The following GP2 variants were observed in gnomAD, a reference collection of about 807,000 sequenced individuals.
The protein encoded by GP2 is pancreatic secretory granule membrane major glycoprotein GP2.
GP2 carries 58 observed loss-of-function variants against 60.8 expected under a neutral mutation model. That is an observed-to-expected ratio of 0.95 (90% CI 0.77 to 1.19). The LOEUF is 1.19. GP2 is among the 50% of genes most tolerant of loss of function. The pLI, the probability that GP2 is intolerant of heterozygous loss-of-function variation, is 0.00. For synonymous variants in GP2, 280 were observed against 253.4 expected, an observed-to-expected ratio of 1.10 and a Z score of -1.00; for missense variants, 647 against 667.4, an observed-to-expected ratio of 0.97 and a Z score of 0.34.
At chr16:20,313,905 G>A (rs1425147043) in intron 10 of GP2, among the ~76,000 whole-genome samples, 1 of 152,194 alleles carries the variant, frequency 6.6e-6, no homozygotes, top group Non-Finnish European at 1.5e-5. Flanking sequence ...CAAAGATGGT[G>A]GAGGCATGAG....
chr16:20,324,010 T>G lies in GP2; in HGVS notation c.341A>C (p.Gln114Pro), dbSNP rs376984878. 18 of 1,614,012 alleles carry G rather than the reference T, an allele frequency of 1.1e-5. No individual in the cohort carries two copies. The highest frequency in any genetic ancestry group is 4.0e-5 in the African/African-American group (3 of 74,938). The change falls in exon 3 of 11, where the codon CAG becomes CCG. Residue 114 changes from glutamine (Q) to proline (P), a missense_variant. Transcript: ENST00000302555. ...SETCVQVHRC[Q>P]TDAPMWLNGT... ...ATTCAGCCACATGGGAGCGTCTGTC[T>G]GGCATCGGTGCACCTGGACACAGGT... is the stretch of plus-strand genomic sequence containing the variant.
At chr16:20,319,862 T>A in intron 5 of GP2, 94 bp from the exon 6 acceptor site, 1 of 1,010,180 alleles carries the variant, frequency 9.9e-7, no homozygotes, top group Non-Finnish European at 1.5e-6. Context: ...TCAATTTGCT[T>A]AACCATGCAG....
At chr16:20,323,466 T>G in intron 3 of GP2, 1 of 700,590 alleles carries the variant, frequency 1.4e-6, no homozygotes, top group Non-Finnish European at 2.7e-6. Flanking sequence ...CATTATGTAT[T>G]AGCTGTTATT....
At chr16:20,316,137 T>C in intron 8 of GP2, 97 bp from the exon 9 acceptor site, 1 of 754,466 alleles carries the variant, frequency 1.3e-6, no homozygotes, top group Non-Finnish European at 2.4e-6. Context: ...AAGAACTGTG[T>C]CCAGAACTGG....
At chr16:20,322,829 C>A (rs919879031) in intron 4 of GP2, 40 bp downstream of exon 4, 4 of 1,093,814 alleles carry the variant, frequency 3.7e-6, no homozygotes, top group Non-Finnish European at 5.6e-6. Flanking sequence ...CCTGCCCTGC[C>A]CCCTCAGGAT....
intron 2 of GP2, among the ~76,000 whole-genome samples, chr16:20,325,995 C>A (rs927409682): frequency 6.6e-6 from 1 of 152,160 alleles, no homozygotes; most frequent in Non-Finnish European, 1.5e-5. Context: ...TAATCTAGCC[C>A]TTTCAGGAAA....
At chr16:20,323,488 C>G (rs767786893) in intron 3 of GP2, 198 of 589,898 alleles carry the variant, frequency 3.4e-4, no homozygotes, top group Middle Eastern at 5.2e-4. Flanking sequence ...TTGCTGTACC[C>G]CCCCCCCCTT....
rs763613303 is a variant in GP2, at chr16:20,316,018, C to A, written c.1439G>T (p.Arg480Leu). 5 of 1,611,924 alleles carry A rather than the reference C, an allele frequency of 3.1e-6. No individual in the cohort carries two copies. The highest frequency in any genetic ancestry group is 1.3e-5 in the African/African-American group (1 of 74,972). Reference sequence around the variant, plus strand: ...TAGGTCGATGGCCGGTACTTCACTGCGGACTTGACTTCTTGAGCAAGACTG... The same window carrying A: ...TAGGTCGATGGCCGGTACTTCACTGAGGACTTGACTTCTTGAGCAAGACTG... ...CQPSCSRSQV[R>L]SEVPAIDLAR... The change falls in exon 9 of 11, where the codon CGC (arginine) becomes CTC (leucine). Residue 480 changes from arginine to leucine, a missense_variant. Arg to Leu is a moderately radical substitution (Grantham distance 102). Transcript: ENST00000302555.
At position 20,326,406 on chromosome 16, in the gene GP2, A is replaced by G. The variant is rs765129140; in HGVS notation, c.26T>C (p.Val9Ala). 61 of 1,613,108 alleles carry G rather than the reference A, an allele frequency of 3.8e-5. No individual in the cohort carries two copies. Among genetic ancestry groups the G allele is most frequent in the Non-Finnish European group, 5.2e-5 (61 of 1,179,042 alleles). ...GGCCAGCCACAGGAGGCCAGAGCCC[A>G]CCATCCTTTCCATAAGGTGAGGCAT... Reference protein sequence around the residue: MPHLMERMVGSGLLWLALV... With the variant: MPHLMERMAGSGLLWLALV... Residue 9 changes from valine to alanine, a missense_variant, in exon 2 of 11, where the codon GTG becomes GCG. Val to Ala is a moderately conservative substitution (Grantham distance 64). Coordinates refer to ENST00000302555, the MANE Select transcript of GP2 (RefSeq NM_001502.4).
At chr16:20,327,119 AT>A (rs1964556033) in intron 1 of GP2, among the ~76,000 whole-genome samples, 1 of 152,126 alleles carries the variant, frequency 6.6e-6, no homozygotes, top group South Asian at 2.1e-4. Flanking sequence ...GAAAATAGAG[AT>A]CGGTTTCGGG....
intron 4 of GP2, among the ~76,000 whole-genome samples, chr16:20,321,154 G>A (rs1419954108): frequency 6.6e-6 from 1 of 150,922 alleles, no homozygotes; most frequent in Admixed American, 6.6e-5. Flanking sequence ...GGATTCAAGT[G>A]ATTCTCCTGC....
chr16:20,320,065 G>T (rs12928456), intron 5 of GP2, among the ~76,000 whole-genome samples, 197 bp downstream of exon 5: 1 of 151,936 alleles, frequency 6.6e-6, no homozygotes, highest in Non-Finnish European at 1.5e-5. Flanking sequence ...TGAAATTATC[G>T]TAATTGTAGC....
chr16:20,320,945 T>A (rs1193697435), intron 4 of GP2, among the ~76,000 whole-genome samples: 2 of 152,136 alleles, frequency 1.3e-5, no homozygotes, highest in African/African-American at 4.8e-5. Flanking sequence ...AACAGTTGAA[T>A]AGGGGAGACA....
chr16:20,323,317 G>A (rs944906543), intron 3 of GP2: 1 of 715,060 alleles, frequency 1.4e-6, no homozygotes, highest in South Asian at 1.5e-5. Context: ...CTCCAGCTCT[G>A]TGATACTAGG....
intron 4 of GP2, 122 bp from the exon 5 acceptor site, chr16:20,320,595 G>T: frequency 1.4e-6 from 1 of 709,838 alleles, no homozygotes. Flanking sequence ...CTGGGATCCA[G>T]ATGGAATTCA....
intron 4 of GP2, among the ~76,000 whole-genome samples, chr16:20,321,051 CT>C (rs34930372): frequency 0.11 from 14,603 of 135,710 alleles, 1,433 homozygotes; most frequent in African/African-American, 0.26. Flanking sequence ...CTCTGTCTCT[CT>C]TTTTTTTTTT....
In GP2 at chr16:20,318,416, C is replaced by G. The variant is rs745346237; in HGVS notation, c.1022G>C (p.Ser341Thr). Residue 341 changes from serine to threonine, a missense_variant, in exon 7 of 11, where the codon AGT becomes ACT. Physicochemically the swap from Ser to Thr is moderately conservative, Grantham distance 58 (BLOSUM62 1). Coordinates refer to ENST00000302555, the MANE Select transcript of GP2 (RefSeq NM_001502.4). ...AATGAACTCTCCATTCCCGTCCACACTGACGTTCAGGGAACTGAGAAAAAG... is the reference window on the plus strand; with the variant it reads ...AATGAACTCTCCATTCCCGTCCACAGTGACGTTCAGGGAACTGAGAAAAAG... Reference protein sequence around the residue: ...LQPIVSSLNVSVDGNGEFIVR... With the variant: ...LQPIVSSLNVTVDGNGEFIVR... 3 of 1,613,494 alleles carry G rather than the reference C, an allele frequency of 1.9e-6. No homozygotes were observed. The African/African-American group carries it at 4.0e-5, about 22-fold the overall frequency.
Position 20,319,741 on chromosome 16 carries a change from T to G in GP2, c.886A>C (p.Asn296His). The part of the protein sequence containing the change: ...ERNQTHAIYK[N>H]TLSLVNDFII... ...AAATCATTGACCAAGGAGAGGGTGTTTTTGTAGATGGCATGGGTTTGATTT... is the reference window on the plus strand; with the variant it reads ...AAATCATTGACCAAGGAGAGGGTGTGTTTGTAGATGGCATGGGTTTGATTT... Residue 296 changes from asparagine to histidine, a missense_variant, in exon 6 of 11, where the codon AAC (asparagine) becomes CAC (histidine). Transcript: ENST00000302555. 6.2e-7 allele frequency: 1 copy of G among 1,613,440 alleles called. No individual in the cohort carries two copies. The highest frequency in any genetic ancestry group is 8.5e-7 in the Non-Finnish European group (1 of 1,179,416).
At position 20,318,160 on chromosome 16, in the gene GP2, T is replaced by C. The variant is rs2141599575; in HGVS notation, c.1253+25A>G. On this transcript the variant is annotated intron_variant, in intron 7 of 10. Transcript: ENST00000302555. ...TCCTGTAAACGTTAGTAAGGCCAAA[T>C]GATAATTCCAGAATTGCTCGTTACC... 3 of 1,604,354 alleles carry C rather than the reference T, an allele frequency of 1.9e-6. No homozygotes were observed. In the East Asian group the frequency reaches 6.7e-5, roughly 36 times the overall value.
Sources: allele counts gnomAD v4.1 joint callset (sites outside exome capture counted in the v4.1 genomes callset), GRCh38; gene constraint gnomAD v4.1.1; transcripts MANE v1.5; gene names NCBI Gene and HGNC (gene_info 2026-07-23, HGNC 2026-07-21).